The following PKHD1 variants were observed in gnomAD, a reference collection of about 807,000 sequenced individuals.
PKHD1 encodes the protein PKHD1 ciliary IPT domain containing fibrocystin/polyductin.
PKHD1 carries 291 observed loss-of-function variants against 412.0 expected under a neutral mutation model. The ratio of observed to expected loss-of-function variants is 0.71; its 90% CI spans 0.64 to 0.78. The LOEUF is 0.78. Among genes scored for constraint, PKHD1 ranks in the 30% least tolerant of loss-of-function variants. The pLI is 0.00. For missense variants in PKHD1, 4,825 were observed against 4,950.7 expected (o/e 0.97, Z 0.76); for synonymous variants, 1,777 against 1,821.5 (o/e 0.98, Z 0.62).
chr6:51,869,803 A>G (rs773684885), intron 47 of PKHD1, among the ~76,000 whole-genome samples: 8 of 152,144 alleles, frequency 5.3e-5, no homozygotes, highest in Non-Finnish European at 1.0e-4. Flanking sequence ...AGTAAAGTGG[A>G]GACTTGTTGA....
intron 43 of PKHD1, among the ~76,000 whole-genome samples, chr6:51,899,682 G>T (rs1583273348): frequency 6.6e-6 from 1 of 151,956 alleles, no homozygotes; most frequent in Admixed American, 6.6e-5. Context: ...TTAGGCAGGA[G>T]AAGGAAATAA....
chr6:51,703,732 A>G (rs1779706107), intron 60 of PKHD1, among the ~76,000 whole-genome samples: 1 of 152,040 alleles, frequency 6.6e-6, no homozygotes. Flanking sequence ...ATGTAGCAAC[A>G]TGCCTGATTG....
Position 51,702,560 on chromosome 6 carries a change from G to C in PKHD1, c.10156+41825C>G, listed in dbSNP as rs144264236. ...TTACTCATGTAACCAAATACCAACTGTTCCTCCAAATAATGAAATTACCAA... is the reference window on the plus strand; with the variant it reads ...TTACTCATGTAACCAAATACCAACTCTTCCTCCAAATAATGAAATTACCAA... On this transcript the variant is annotated intron_variant, in intron 60 of 66. Coordinates refer to ENST00000371117, the MANE Select transcript of PKHD1 (RefSeq NM_138694.4). Among the ~76,000 whole-genome samples, 1,453 of 151,934 alleles carry C rather than the reference G, an allele frequency of 9.6e-3. 22 individuals carry two copies. Among genetic ancestry groups the C allele is most frequent in the African/African-American group, 0.033 (1,370 of 41,472 alleles).
Position 52,025,364 on chromosome 6 carries a change from T to C in PKHD1, c.4446A>G (p.Glu1482=). 1.2e-6 allele frequency: 2 copies of C among 1,613,578 alleles called. No homozygotes were observed. Among genetic ancestry groups the C allele is most frequent in the Non-Finnish European group, 1.7e-6 (2 of 1,179,530 alleles). Residue 1482 remains glutamate, a synonymous_variant, in exon 32 of 67, where the codon GAA becomes GAG. Transcript: ENST00000371117. ...AGGCATCCATGACAGGACTTGCCTC[T>C]TCCCTTATGAAAAGAGTGCAATTCC... ...CQGNCTLFIR[E]EASPVMDALS...
chr6:52,082,162 AG>A (rs1174728176), intron 4 of PKHD1, among the ~76,000 whole-genome samples: 4 of 152,280 alleles, frequency 2.6e-5, no homozygotes, highest in African/African-American at 7.2e-5. Context: ...AACACAATCC[AG>A]CCCCTCCTTA....
intron 60 of PKHD1, among the ~76,000 whole-genome samples, chr6:51,714,055 A>T (rs574895012): frequency 3.3e-5 from 5 of 152,290 alleles, no homozygotes; most frequent in Non-Finnish European, 7.3e-5. Flanking sequence ...CATAGAAGAG[A>T]TGAAGAATTC....
At position 52,024,727 on chromosome 6, in the gene PKHD1, C is replaced by T. The variant is rs1237670704; in HGVS notation, c.5083G>A (p.Val1695Ile). The change falls in exon 32 of 67, where the codon GTC (valine) becomes ATC (isoleucine). Residue 1695 changes from valine to isoleucine, a missense_variant. Val to Ile is a conservative substitution (Grantham distance 29). Transcript: ENST00000371117. ...IFIGMSPCVG[V>I]SGNHTVLQCV... Reference sequence around the variant, plus strand: ...TGAAGAACGGTGTGGTTACCAGAGACACCCACACAGGGTGACATTCCTATA... The same window carrying T: ...TGAAGAACGGTGTGGTTACCAGAGATACCCACACAGGGTGACATTCCTATA... 7 of 1,614,100 alleles carry T rather than the reference C, an allele frequency of 4.3e-6. No individual in the cohort carries two copies. The highest frequency in any genetic ancestry group is 5.9e-6 in the Non-Finnish European group (7 of 1,180,036).
chr6:51,988,452 A>C (rs1796472643), intron 35 of PKHD1, among the ~76,000 whole-genome samples: 1 of 152,234 alleles, frequency 6.6e-6, no homozygotes, highest in Admixed American at 6.5e-5. Flanking sequence ...CATATTTTTC[A>C]TCTAGCCCTA....
At chr6:51,812,711 T>C (rs1311590309) in intron 52 of PKHD1, among the ~76,000 whole-genome samples, 1 of 152,202 alleles carries the variant, frequency 6.6e-6, no homozygotes, top group East Asian at 1.9e-4. Flanking sequence ...TTATATTCTT[T>C]AGAGAATCGC....
intron 65 of PKHD1, among the ~76,000 whole-genome samples, chr6:51,631,927 C>CTTTTTTTTTTTTTT (rs1277193806): frequency 2.2e-5 from 3 of 137,614 alleles, no homozygotes; most frequent in African/African-American, 5.5e-5. Flanking sequence ...TCCCCGGATT[C>CTTTTTTTTTTTTTT]TTTTTTTTTT....
Position 52,046,085 on chromosome 6 carries a change from C to T in PKHD1, c.2511G>A (p.Lys837=), listed in dbSNP as rs765209764. The part of the protein sequence containing the change: ...RYLNASDFTV[K]EDLYTCYEHV... ...GTTCGTAGCAAGTGTATAGATCCTCCTTCACAGTGAAGTCACTGGCATTGA... is the reference window on the plus strand; with the variant it reads ...GTTCGTAGCAAGTGTATAGATCCTCTTTCACAGTGAAGTCACTGGCATTGA... Residue 837 remains lysine (K), a synonymous_variant, in exon 24 of 67, where the codon AAG becomes AAA. Coordinates refer to ENST00000371117, the MANE Select transcript of PKHD1 (RefSeq NM_138694.4). 6.2e-7 allele frequency: 1 copy of T among 1,613,450 alleles called. No homozygotes were observed. The highest frequency in any genetic ancestry group is 1.3e-5 in the African/African-American group (1 of 74,892).
At position 52,024,799 on chromosome 6, in the gene PKHD1, T is replaced by C. The variant is rs1254402981; in HGVS notation, c.5011A>G (p.Thr1671Ala). ...ISISQSDDIL[T>A]FAVAQISGAA... ...CCTGAGATCTGGGCCACTGCAAAGG[T>C]TAAGATGTCATCGCTCTGAGAAATA... Residue 1671 changes from threonine (T) to alanine (A), a missense_variant, in exon 32 of 67, where the codon ACC (threonine) becomes GCC (alanine). Thr to Ala is a moderately conservative substitution (Grantham distance 58). Transcript: ENST00000371117. The C allele has an allele frequency of 6.2e-7, 1 of 1,614,074 alleles. No individual in the cohort carries two copies. The highest frequency in any genetic ancestry group is 1.3e-5 in the African/African-American group (1 of 74,932).
intron 49 of PKHD1, among the ~76,000 whole-genome samples, chr6:51,855,153 G>T (rs1195609611): frequency 2.6e-5 from 4 of 152,194 alleles, no homozygotes; most frequent in Non-Finnish European, 4.4e-5. Context: ...TTGGCTGTGG[G>T]GAACGGAGTT....
Position 51,870,585 on chromosome 6 carries a change from C to A in PKHD1, c.7405G>T (p.Val2469Leu). 3 of 1,604,544 alleles carry A rather than the reference C, an allele frequency of 1.9e-6. No homozygotes were observed. The highest frequency in any genetic ancestry group is 2.6e-6 in the Non-Finnish European group (3 of 1,171,352). ...AAATTAACAAAGGTTGTGTTAGACA[C>A]CATCAGTTCCCATCTTTTAGGAGTT... is the stretch of plus-strand genomic sequence containing the variant. ...IKTPKRWELM[V>L]SNTTFVNFDL... Residue 2469 changes from valine (V) to leucine (L), a missense_variant, in exon 47 of 67, where the codon GTG (valine) becomes TTG (leucine). Physicochemically the swap from Val to Leu is conservative, Grantham distance 32. Coordinates refer to ENST00000371117, the MANE Select transcript of PKHD1 (RefSeq NM_138694.4).
chr6:51,686,805 C>T (rs2150597352), intron 60 of PKHD1, among the ~76,000 whole-genome samples: 1 of 152,278 alleles, frequency 6.6e-6, no homozygotes, highest in Admixed American at 6.5e-5. Context: ...CAATGATTAA[C>T]TCTAGAATTT....
chr6:51,748,740 T>A, intron 57 of PKHD1, 75 bp from the exon 58 acceptor site: 2 of 1,186,984 alleles, frequency 1.7e-6, no homozygotes, highest in Non-Finnish European at 2.5e-6. Context: ...TTTTGGGGCA[T>A]TAAGATATGA....
chr6:51,883,815 G>C (rs760281967), intron 45 of PKHD1, among the ~76,000 whole-genome samples: 1 of 152,140 alleles, frequency 6.6e-6, no homozygotes, highest in Non-Finnish European at 1.5e-5. Context: ...CTTAATCCCT[G>C]ATATAACAGT....
chr6:51,753,898 C>T (rs1325174086), intron 56 of PKHD1, among the ~76,000 whole-genome samples: 1 of 152,214 alleles, frequency 6.6e-6, no homozygotes, highest in African/African-American at 2.4e-5. Context: ...GGGAACTAAG[C>T]GTCTTGCTAG....
rs1581764648 is a variant in PKHD1 at position 52,017,578 on chromosome 6, G to C, written c.5432C>G (p.Ala1811Gly). The C allele has an allele frequency of 2.5e-6, 4 of 1,614,064 alleles. No homozygotes were observed. The highest frequency in any genetic ancestry group is 1.1e-5 in the South Asian group (1 of 91,062). The change falls in exon 34 of 67, where the codon GCT (alanine) becomes GGT (glycine). Residue 1811 changes from alanine to glycine, a missense_variant. By Grantham distance (60) the Ala-to-Gly change is moderately conservative. Transcript: ENST00000371117. ...GLKREEDSCE[A>G]ARHTYVQCDL... ...ACACTGCACATAGGTGTGTCTGGCA[G>C]CCTCACAGCTGTCCTCCTCACGCTT...
Sources: gnomAD v4.1 joint callset for allele counts (sites outside exome capture counted in the v4.1 genomes callset) on GRCh38, gnomAD v4.1.1 for gene constraint, MANE v1.5 for transcripts, NCBI Gene and HGNC (gene_info 2026-07-23, HGNC 2026-07-21) for gene names.